SMAD3: variants seen among roughly 807,000 people sequenced by gnomAD.
The protein encoded by SMAD3 is SMAD family member 3.
Under a neutral mutation model 51.8 loss-of-function variants are expected in SMAD3, and 12 were observed. The ratio of observed to expected loss-of-function variants is 0.23; its 90% confidence interval spans 0.15 to 0.38. The LOEUF (loss-of-function observed/expected upper bound fraction) is 0.38. SMAD3 is among the 10% of genes least tolerant of loss of function. The pLI, the probability that SMAD3 is intolerant of heterozygous loss-of-function variation, is 1.00. For synonymous variants in SMAD3, 238 were observed against 227.7 expected (o/e 1.05, Z -0.41); for missense variants, 294 against 565.6 (o/e 0.52, Z 4.87).
intron 1 of SMAD3, among the ~76,000 whole-genome samples, chr15:67,145,786 C>T (rs1566983742): frequency 1.3e-5 from 2 of 152,326 alleles, no homozygotes; most frequent in East Asian, 3.9e-4. Flanking sequence ...GGAGAGGAGC[C>T]AGCTTTCCAA....
intron 1 of SMAD3, among the ~76,000 whole-genome samples, chr15:67,106,972 G>A (rs555347818): frequency 6.6e-6 from 1 of 152,126 alleles, no homozygotes; most frequent in African/African-American, 2.4e-5. Context: ...AGCTTTCCAG[G>A]GAGTCCAAGT....
rs904852268 is a variant in SMAD3 at position 67,142,689 on chromosome 15, C to T, written c.207-22206C>T. The T allele has an allele frequency of 2.3e-5, 7 of 311,016 alleles. 1 individual carries two copies. The highest frequency in any genetic ancestry group is 7.2e-5 in the South Asian group (3 of 41,530). The allele number at this position is 311,016 out of a possible 1,614,324, so 19.3% of individuals were successfully genotyped here. A position where few individuals can be genotyped will look rare whatever the true frequency, so the allele number is the denominator to read the frequency against. On this transcript the variant is annotated intron_variant, in intron 1 of 8. Transcript: ENST00000327367. The stretch of plus-strand genomic sequence containing the variant: ...CTAGAGGCGTCCAGAGGCCTGGTAA[C>T]GGCAGAGGCTGCTGGCATCTTAAGA...
chr15:67,120,426 G>A (rs1383825569), intron 1 of SMAD3, among the ~76,000 whole-genome samples: 1 of 152,188 alleles, frequency 6.6e-6, no homozygotes, highest in Non-Finnish European at 1.5e-5. Flanking sequence ...CCCCCTGTAT[G>A]TATCAAACTC....
intron 5 of SMAD3, among the ~76,000 whole-genome samples, chr15:67,170,863 A>G (rs1198458355): frequency 6.6e-6 from 1 of 152,214 alleles, no homozygotes; most frequent in African/African-American, 2.4e-5. Context: ...GAGTGAATGA[A>G]AATTCCCCCA....
intron 1 of SMAD3, among the ~76,000 whole-genome samples, chr15:67,082,072 G>T (rs1357069250): frequency 6.6e-6 from 1 of 152,102 alleles, no homozygotes; most frequent in African/African-American, 2.4e-5. Context: ...ACTTACTGAT[G>T]ATGTCTTGCT....
intron 1 of SMAD3, chr15:67,138,558 C>T (rs983577577): frequency 2.0e-5 from 3 of 153,798 alleles, no homozygotes; most frequent in Admixed American, 1.9e-4. Flanking sequence ...AAGGAAAAGC[C>T]CCTGCTCAGC....
intron 1 of SMAD3, among the ~76,000 whole-genome samples, chr15:67,067,934 T>C (rs906862146): frequency 6.6e-6 from 1 of 152,136 alleles, no homozygotes; most frequent in Non-Finnish European, 1.5e-5. Flanking sequence ...TACTTCTCTT[T>C]CTGGGGAGGG....
At chr15:67,177,920 C>T (rs1479054245) in intron 5 of SMAD3, among the ~76,000 whole-genome samples, 1 of 152,150 alleles carries the variant, frequency 6.6e-6, no homozygotes, top group Non-Finnish European at 1.5e-5. Flanking sequence ...GAATAGAAAG[C>T]GCATGGCTGG....
intron 1 of SMAD3, 140 bp downstream of exon 1, chr15:67,066,500 T>TGGGA (rs1430085538): frequency 7.1e-6 from 5 of 708,286 alleles, no homozygotes; most frequent in Non-Finnish European, 1.2e-5. Flanking sequence ...TGTGTGAGAG[T>TGGGA]GGGAGAGCGC....
At chr15:67,187,315 C>T (rs376318504) in intron 7 of SMAD3, 50 bp from the exon 8 acceptor site, 141 of 1,612,762 alleles carry the variant, frequency 8.7e-5, no homozygotes, top group Middle Eastern at 5.0e-4. Flanking sequence ...AGGGGAGCAA[C>T]GGACCTGGCC....
At chr15:67,101,504 C>G (rs978942045) in intron 1 of SMAD3, among the ~76,000 whole-genome samples, 1 of 152,088 alleles carries the variant, frequency 6.6e-6, no homozygotes, top group African/African-American at 2.4e-5. Context: ...AGGTCGAGCT[C>G]TTGTATCCTG....
chr15:67,103,253 C>T (rs949008188), intron 1 of SMAD3, among the ~76,000 whole-genome samples: 4 of 152,124 alleles, frequency 2.6e-5, no homozygotes, highest in African/African-American at 4.8e-5. Flanking sequence ...TAGTCAAGGT[C>T]GTGCAAAAGC....
intron 1 of SMAD3, among the ~76,000 whole-genome samples, chr15:67,102,485 C>G (rs143475232): frequency 1.3e-5 from 2 of 152,298 alleles, no homozygotes; most frequent in African/African-American, 4.8e-5. Context: ...CCACCACATT[C>G]TTTTGAGCAG....
In SMAD3 at chr15:67,195,122, C is replaced by T. The variant is rs1963470558; in HGVS notation, c.*4586C>T. On this transcript the variant is annotated 3_prime_UTR_variant, in exon 9 of 9. Coordinates refer to ENST00000327367, the MANE Select transcript of SMAD3 (RefSeq NM_005902.4). ...GTTAAAGATTTGTGTCCTCTCATTC[C>T]CTCTCTTCCTCTTGTAAGTGCCCTT... 2 of 233,110 alleles carry T rather than the reference C, an allele frequency of 8.6e-6. No homozygotes were observed. Among genetic ancestry groups the T allele is most frequent in the Admixed American group, 5.6e-5 (1 of 17,768 alleles). 14.4% of individuals were successfully genotyped at this position (233,110 alleles called of 1,614,324 possible).
chr15:67,184,739 G>A lies in SMAD3; in HGVS notation c.884G>A (p.Arg295Gln), dbSNP rs772730200. 1 of 1,614,046 alleles carries A rather than the reference G, an allele frequency of 6.2e-7. No individual in the cohort carries two copies. Among genetic ancestry groups the A allele is most frequent in the Non-Finnish European group, 8.5e-7 (1 of 1,180,046 alleles). Residue 295 changes from arginine to glutamine, a missense_variant, in exon 7 of 9, where the codon CGG (arginine) becomes CAG (glutamine). Arg to Gln is a conservative substitution (Grantham distance 43). Around this residue, in one of 3 missense-constraint regions of SMAD3, gnomAD observed 118 missense variants for 278.0 expected, o/e 0.42. Coordinates refer to ENST00000327367, the MANE Select transcript of SMAD3 (RefSeq NM_005902.4). ...TGAATCTCTGTAGGAAGAGGCGTGC[G>A]GCTCTACTACATCGGAGGGGAGGTC... ...LTRRHIGRGV[R>Q]LYYIGGEVFA...
At chr15:67,185,932 G>A (rs1271990193) in intron 7 of SMAD3, among the ~76,000 whole-genome samples, 3 of 152,280 alleles carry the variant, frequency 2.0e-5, no homozygotes, top group Admixed American at 2.0e-4. Flanking sequence ...GCAGATGGTA[G>A]TGGAGAAGTG....
chr15:67,101,272 A>G (rs1210624122), intron 1 of SMAD3, among the ~76,000 whole-genome samples: 1 of 152,234 alleles, frequency 6.6e-6, no homozygotes, highest in African/African-American at 2.4e-5. Context: ...CTGACACTAC[A>G]GGAAATAAGA....
At chr15:67,109,974 GA>G (rs761891615) in intron 1 of SMAD3, among the ~76,000 whole-genome samples, 1 of 152,352 alleles carries the variant, frequency 6.6e-6, no homozygotes, top group South Asian at 2.1e-4. Flanking sequence ...GTGCTTCTCA[GA>G]AAATAGAACC....
At chr15:67,135,904 A>G (rs1416876410) in intron 1 of SMAD3, among the ~76,000 whole-genome samples, 6 of 152,184 alleles carry the variant, frequency 3.9e-5, no homozygotes, top group Admixed American at 3.9e-4. Flanking sequence ...TCTTTACTAA[A>G]AATAAAAACC....
Sources: allele counts gnomAD v4.1 joint callset (sites outside exome capture counted in the v4.1 genomes callset), GRCh38; gene constraint gnomAD v4.1.1; regional missense constraint gnomAD v4.1.1; transcripts MANE v1.5; gene names NCBI Gene and HGNC (gene_info 2026-07-23, HGNC 2026-07-21).